The following ST8SIA4 variants were observed in gnomAD, a reference collection of about 807,000 sequenced individuals.
The protein encoded by ST8SIA4 is CMP-N-acetylneuraminate-poly-alpha-2,8-sialyltransferase.
ST8SIA4 carries 15 observed loss-of-function variants against 33.9 expected under a neutral mutation model. The observed-to-expected ratio is 0.44, with a 90% CI of 0.30 to 0.68. The LOEUF is 0.68. ST8SIA4 is among the 30% of genes least tolerant of loss of function. The pLI is 0.10. For synonymous variants in ST8SIA4, 171 were observed against 151.2 expected, an observed-to-expected ratio of 1.13 and a Z score of -0.96; for missense variants, 321 against 428.0, an observed-to-expected ratio of 0.75 and a Z score of 2.21.
intron 4 of ST8SIA4, chr5:100,849,521 C>A: frequency 5.4e-6 from 5 of 921,210 alleles, no homozygotes; most frequent in Non-Finnish European, 6.5e-6. Flanking sequence ...GTGGCTCACG[C>A]CTGTAATCCC....
chr5:100,821,004 G>A (rs934064131), intron 4 of ST8SIA4, among the ~76,000 whole-genome samples: 5 of 151,906 alleles, frequency 3.3e-5, no homozygotes, highest in Non-Finnish European at 2.9e-5. Context: ...ACTGAAACTC[G>A]TAATCTAAAC....
chr5:100,884,293 C>T (rs1752489801), intron 3 of ST8SIA4, among the ~76,000 whole-genome samples: 1 of 152,122 alleles, frequency 6.6e-6, no homozygotes, highest in South Asian at 2.1e-4. Context: ...ACCAGAGTAG[C>T]TTAGTAGTGG....
At chr5:100,839,147 A>T (rs183192800) in intron 4 of ST8SIA4, among the ~76,000 whole-genome samples, 1 of 152,058 alleles carries the variant, frequency 6.6e-6, no homozygotes, top group Admixed American at 6.6e-5. Context: ...TTTTTCTATA[A>T]CCTTTTGCCA....
chr5:100,857,266 C>G (rs375665842), intron 3 of ST8SIA4, among the ~76,000 whole-genome samples: 3 of 151,784 alleles, frequency 2.0e-5, no homozygotes, highest in South Asian at 4.1e-4. Context: ...ATATAACATT[C>G]TTATATTAGA....
intron 4 of ST8SIA4, among the ~76,000 whole-genome samples, chr5:100,848,494 A>T (rs997020673): frequency 6.7e-6 from 1 of 150,198 alleles, no homozygotes; most frequent in Admixed American, 6.7e-5. Flanking sequence ...CACACAGAGT[A>T]TATATACTCT....
At chr5:100,873,621 A>C (rs1228280826) in intron 3 of ST8SIA4, among the ~76,000 whole-genome samples, 1 of 152,130 alleles carries the variant, frequency 6.6e-6, no homozygotes, top group Non-Finnish European at 1.5e-5. Context: ...TCTTGTTACC[A>C]AGGGGAAACA....
chr5:100,832,861 CT>C (rs1489416128), intron 4 of ST8SIA4, among the ~76,000 whole-genome samples: 2 of 152,058 alleles, frequency 1.3e-5, no homozygotes, highest in African/African-American at 4.8e-5. Flanking sequence ...TTTCATCTAC[CT>C]TACTACTCTA....
At chr5:100,901,099 C>A (rs1752900020) in intron 1 of ST8SIA4, among the ~76,000 whole-genome samples, 1 of 152,260 alleles carries the variant, frequency 6.6e-6, no homozygotes. Context: ...CAGGAAAGGG[C>A]CACAGGAGAA....
At chr5:100,838,964 C>CA (rs1346784426) in intron 4 of ST8SIA4, among the ~76,000 whole-genome samples, 1 of 151,888 alleles carries the variant, frequency 6.6e-6, no homozygotes, top group African/African-American at 2.4e-5. Flanking sequence ...ACCATAGTGA[C>CA]AAAACTTGCA....
rs1298164184 is a variant in ST8SIA4, at chr5:100,902,989, C to T, written c.-34G>A. 1 of 1,480,678 alleles carries T rather than the reference C, an allele frequency of 6.8e-7. No homozygotes were observed. Among genetic ancestry groups the T allele is most frequent in the African/African-American group, 1.4e-5 (1 of 72,190 alleles). The allele number at this position is 1,480,678 out of a possible 1,614,324, so 91.7% of individuals were successfully genotyped here. A position where few individuals can be genotyped will look rare whatever the true frequency, so the allele number is the denominator to read the frequency against. On this transcript the variant is annotated 5_prime_UTR_variant, in exon 1 of 5. Coordinates refer to ENST00000231461, the MANE Select transcript of ST8SIA4 (RefSeq NM_005668.6). The stretch of plus-strand genomic sequence containing the variant: ...CCCGAGAAAGTCCTGGTTGCCCCAG[C>T]TCCCGCACCTTCTCTTGATATAAAG...
intron 4 of ST8SIA4, among the ~76,000 whole-genome samples, chr5:100,821,642 A>G (rs1318939527): frequency 9.4e-6 from 1 of 106,942 alleles, no homozygotes; most frequent in Non-Finnish European, 2.2e-5. Context: ...TCTATATTCC[A>G]TTGAATAATG....
At chr5:100,858,894 G>A (rs1213382953) in intron 3 of ST8SIA4, among the ~76,000 whole-genome samples, 1 of 151,986 alleles carries the variant, frequency 6.6e-6, no homozygotes, top group African/African-American at 2.4e-5. Context: ...CAAGACAGAA[G>A]ACACTTCATA....
Position 100,811,604 on chromosome 5 carries a change from T to C in ST8SIA4, c.*243A>G, listed in dbSNP as rs1750818390. On this transcript the variant is annotated 3_prime_UTR_variant, in exon 5 of 5. Coordinates refer to ENST00000231461, the MANE Select transcript of ST8SIA4 (RefSeq NM_005668.6). The stretch of plus-strand genomic sequence containing the variant: ...TGGATCTTGTAAACACTACTGATTA[T>C]ACATTCAAACTGTATTCTTAGTGGA... 2.2e-6 allele frequency: 1 copy of C among 446,792 alleles called. No individual in the cohort carries two copies. The allele number at this position is 446,792 out of a possible 1,614,324, so 27.7% of individuals were successfully genotyped here.
rs180853187 is a variant in ST8SIA4 at position 100,867,645 on chromosome 5, G to A, written c.504-11249C>T. 9.2e-4 allele frequency among the ~76,000 whole-genome samples: 139 copies of A among 151,900 alleles called. 2 individuals carry two copies. The highest frequency in any genetic ancestry group is 3.1e-3 in the African/African-American group (127 of 41,468). ...ACCATCAAATTGCCACAGAAATGTC[G>A]CTTTGACATTTAACTTTCTTGCTTA... On this transcript the variant is annotated intron_variant, in intron 3 of 4. Coordinates refer to ENST00000231461, the MANE Select transcript of ST8SIA4 (RefSeq NM_005668.6).
Position 100,809,029 on chromosome 5 carries a change from T to C in ST8SIA4, c.*2818A>G, listed in dbSNP as rs942002830. 1.3e-5 allele frequency: 2 copies of C among 152,536 alleles called. No individual in the cohort carries two copies. Among genetic ancestry groups the C allele is most frequent in the African/African-American group, 4.8e-5 (2 of 41,414 alleles). The allele number at this position is 152,536 out of a possible 1,614,324, so 9.4% of individuals were successfully genotyped here. A position where few individuals can be genotyped will look rare whatever the true frequency, so the allele number is the denominator to read the frequency against. ...GAACACAAAGGATATGGTGACAAAGTAATGTGAAAAAGCTAAAAAGGCACT... is the reference window on the plus strand; with the variant it reads ...GAACACAAAGGATATGGTGACAAAGCAATGTGAAAAAGCTAAAAAGGCACT... On this transcript the variant is annotated 3_prime_UTR_variant, in exon 5 of 5. Coordinates refer to ENST00000231461, the MANE Select transcript of ST8SIA4 (RefSeq NM_005668.6).
chr5:100,830,503 C>T (rs1037797287), intron 4 of ST8SIA4, among the ~76,000 whole-genome samples: 1 of 152,194 alleles, frequency 6.6e-6, no homozygotes, highest in African/African-American at 2.4e-5. Flanking sequence ...AAGCCTAATC[C>T]ATTTCTAAGT....
intron 4 of ST8SIA4, among the ~76,000 whole-genome samples, chr5:100,833,202 A>T (rs867367982): frequency 6.6e-5 from 10 of 152,234 alleles, no homozygotes; most frequent in African/African-American, 2.4e-4. Flanking sequence ...ACTGATCTTT[A>T]CATCCCTGGT....
intron 3 of ST8SIA4, among the ~76,000 whole-genome samples, chr5:100,858,543 C>T (rs1751865910): frequency 6.6e-6 from 1 of 151,910 alleles, no homozygotes; most frequent in Non-Finnish European, 1.5e-5. Flanking sequence ...AACATCCCAC[C>T]CCCTATCCGT....
intron 2 of ST8SIA4, among the ~76,000 whole-genome samples, chr5:100,888,372 G>A (rs1254966317): frequency 6.6e-6 from 1 of 151,760 alleles, no homozygotes; most frequent in Non-Finnish European, 1.5e-5. Flanking sequence ...CTCAAACTAT[G>A]AACCTGGCCT....
Sources: allele counts gnomAD v4.1 joint callset (sites outside exome capture counted in the v4.1 genomes callset), GRCh38; gene constraint gnomAD v4.1.1; transcripts MANE v1.5; gene names NCBI Gene and HGNC (gene_info 2026-07-23, HGNC 2026-07-21).